SHD: variants seen among roughly 807,000 people sequenced by gnomAD.
The protein encoded by SHD is SH2 domain-containing adapter protein D.
In SHD, 29 loss-of-function variants were observed where a neutral mutation model predicts 31.2. That is an observed-to-expected ratio of 0.93 (90% confidence interval 0.69 to 1.27). The LOEUF (loss-of-function observed/expected upper bound fraction) is 1.27. SHD is among the 50% of genes most tolerant of loss of function. The pLI, the probability that SHD is intolerant of heterozygous loss-of-function variation, is 0.00. For synonymous variants in SHD, 208 were observed against 187.8 expected (o/e 1.11, Z -0.88); for missense variants, 520 against 453.8 (o/e 1.15, Z -1.33).
chr19:4,283,567 T>C (rs1971278714), intron 3 of SHD, among the ~76,000 whole-genome samples: 1 of 151,708 alleles, frequency 6.6e-6, no homozygotes, highest in African/African-American at 2.4e-5. Context: ...TTTTATTTTA[T>C]TTTATTTTAT....
rs566254354 is a variant in SHD, at chr19:4,285,249, G to T, written c.716+345G>T. 1.6e-4 allele frequency among the ~76,000 whole-genome samples: 24 copies of T among 152,296 alleles called. No homozygotes were observed. The South Asian group carries it at 4.8e-3, about 30-fold the overall frequency. On this transcript the variant is annotated intron_variant, in intron 4 of 5. Transcript: ENST00000543264. The stretch of plus-strand genomic sequence containing the variant: ...GGCAATTTCCTTCCTTAACTTGGGT[G>T]GGGCTTACAGCCTCAGAGCCAAGAG...
rs770719505 is a variant in SHD, at chr19:4,284,891, C to A, written c.703C>A (p.Leu235Met). Residue 235 changes from leucine (L) to methionine (M), a missense_variant, in exon 4 of 6, where the codon CTG becomes ATG. By Grantham distance (15) the Leu-to-Met change is conservative. Transcript: ENST00000543264. The part of the protein sequence containing the change: ...PAERVDPALP[L>M]EKQPWFHGPL... ...GGAGCGTGTGGACCCAGCCCTGCCC[C>A]TGGAGAAACAGCCGTGAGTGGGGAA... 1.3e-6 allele frequency: 2 copies of A among 1,599,838 alleles called. No individual in the cohort carries two copies. The highest frequency in any genetic ancestry group is 1.7e-6 in the Non-Finnish European group (2 of 1,171,594).
At chr19:4,289,650 A>C (rs923184414) in intron 5 of SHD, among the ~76,000 whole-genome samples, 21 of 151,332 alleles carry the variant, frequency 1.4e-4, no homozygotes, top group African/African-American at 4.6e-4. Context: ...GGCTCACTGC[A>C]AGCTCCGCCT....
rs547469179 is a variant in SHD, at chr19:4,285,762, C to T, written c.716+858C>T. ...ACAGAGTTTCAGTATGTTGGCCAGG[C>T]TGGTCTGGAACTCCTGACCTCATGA... On this transcript the variant is annotated intron_variant, in intron 4 of 5. Transcript: ENST00000543264. Among the ~76,000 whole-genome samples the T allele has an allele frequency of 6.6e-5, 10 of 152,034 alleles. No homozygotes were observed. The South Asian group carries it at 2.1e-3, about 32-fold the overall frequency.
In SHD at chr19:4,288,363, G is replaced by A. The variant is rs773015064; in HGVS notation, c.836+1G>A. Reference sequence around the variant, plus strand: ...CCCAGGACTGCTCCTTGTCTCTCAGGTGAGAACTCAGCCTCACAGGGACGA... The same window carrying A: ...CCCAGGACTGCTCCTTGTCTCTCAGATGAGAACTCAGCCTCACAGGGACGA... On this transcript the variant is annotated splice_donor_variant, in intron 5 of 5. Transcript: ENST00000543264. LOFTEE classifies it high-confidence loss of function. The A allele has an allele frequency of 1.2e-5, 20 of 1,612,208 alleles. No individual in the cohort carries two copies. Among genetic ancestry groups the A allele is most frequent in the Non-Finnish European group, 1.6e-5 (19 of 1,179,128 alleles).
intron 4 of SHD, among the ~76,000 whole-genome samples, chr19:4,286,512 G>A (rs1971320667): frequency 6.6e-6 from 1 of 151,912 alleles, no homozygotes; most frequent in Non-Finnish European, 1.5e-5. Context: ...TCTCTTTTCA[G>A]ATTTCTTTCA....
At chr19:4,289,077 T>C (rs1971348959) in intron 5 of SHD, among the ~76,000 whole-genome samples, 1 of 151,112 alleles carries the variant, frequency 6.6e-6, no homozygotes. Flanking sequence ...CGGAAGACTT[T>C]CGGCGCATAC....
At chr19:4,282,355 G>A (rs904045659) in intron 1 of SHD, among the ~76,000 whole-genome samples, 2 of 151,246 alleles carry the variant, frequency 1.3e-5, no homozygotes, top group African/African-American at 4.9e-5. Flanking sequence ...GGGAGTCGGA[G>A]GTTGCAGTGA....
Position 4,280,311 on chromosome 19 carries a change from C to T in SHD, c.248C>T (p.Ala83Val). 1 of 1,604,756 alleles carries T rather than the reference C, an allele frequency of 6.2e-7. No homozygotes were observed. The highest frequency in any genetic ancestry group is 8.5e-7 in the Non-Finnish European group (1 of 1,175,842). The change falls in exon 1 of 6, where the codon GCT becomes GTT. Residue 83 changes from alanine (A) to valine (V), a missense_variant. Physicochemically the swap from Ala to Val is moderately conservative, Grantham distance 64 (BLOSUM62 0). Coordinates refer to ENST00000543264, the MANE Select transcript of SHD (RefSeq NM_020209.4). ...AAGCACCGGCTCATCAAGGTGGAGG[C>T]TGCGGATATGGCCAGAGCCAAGGCC... ...SPKHRLIKVE[A>V]ADMARAKALL...
intron 3 of SHD, 141 bp from the exon 4 acceptor site, chr19:4,284,640 T>C: frequency 3.8e-6 from 4 of 1,058,142 alleles, no homozygotes; most frequent in Non-Finnish European, 5.1e-6. Flanking sequence ...ATCCTGCCCC[T>C]GCCTTAAGCC....
In SHD at chr19:4,280,351, C is replaced by A; in HGVS notation, c.288C>A (p.Pro96=). Residue 96 remains proline (P), a synonymous_variant, in exon 1 of 6, where the codon CCC becomes CCA. Coordinates refer to ENST00000543264, the MANE Select transcript of SHD (RefSeq NM_020209.4). The stretch of plus-strand genomic sequence containing the variant: ...GAGCCAAGGCCCTTCTGGGCGGCCC[C>A]GGGGAGGAGGTGCGTGGCTGGGTGG... ...MARAKALLGG[P]GEELEADTEY... 6.4e-7 allele frequency: 1 copy of A among 1,568,346 alleles called. No homozygotes were observed. The highest frequency in any genetic ancestry group is 1.4e-5 in the African/African-American group (1 of 73,774).
chr19:4,287,026 TAAAA>T (rs1971326756), intron 4 of SHD, among the ~76,000 whole-genome samples: 1 of 150,648 alleles, frequency 6.6e-6, no homozygotes, highest in Non-Finnish European at 1.5e-5. Flanking sequence ...CCATCTCTAC[TAAAA>T]ATAGAAAAAA....
Position 4,288,302 on chromosome 19 carries a change from A to G in SHD, c.776A>G (p.Glu259Gly). 6.2e-7 allele frequency: 1 copy of G among 1,613,920 alleles called. No homozygotes were observed. The highest frequency in any genetic ancestry group is 8.5e-7 in the Non-Finnish European group (1 of 1,179,922). ...GAGAGCCTCCTGTCCCTCTGCAAGG[A>G]AGGCAGCTACCTAGTGCGGCTCAGT... ...DAESLLSLCKEGSYLVRLSET... is the reference protein window; with the variant it reads ...DAESLLSLCKGGSYLVRLSET... The change falls in exon 5 of 6, where the codon GAA (glutamate) becomes GGA (glycine). Residue 259 changes from glutamate (E) to glycine (G), a missense_variant. Coordinates refer to ENST00000543264, the MANE Select transcript of SHD (RefSeq NM_020209.4).
At chr19:4,290,060 G>T (rs919122501) in intron 5 of SHD, among the ~76,000 whole-genome samples, 3 of 150,974 alleles carry the variant, frequency 2.0e-5, no homozygotes, top group Non-Finnish European at 2.9e-5. Context: ...ATTTTTAGTG[G>T]AGATGGGGTT....
Position 4,284,845 on chromosome 19 carries a change from G to A in SHD, c.657G>A (p.Pro219=), listed in dbSNP as rs576733109. 9 of 1,612,834 alleles carry A rather than the reference G, an allele frequency of 5.6e-6. No homozygotes were observed. The highest frequency in any genetic ancestry group is 3.3e-5 in the Admixed American group (2 of 59,952). The part of the protein sequence containing the change: ...PGSAKELRRP[P]PRSPQPAERV... ...CAGCCAAGGAGCTCCGGAGACCTCC[G>A]CCCAGAAGCCCCCAGCCTGCGGAGC... The change falls in exon 4 of 6, where the codon CCG becomes CCA. Residue 219 remains proline (P), a synonymous_variant. Coordinates refer to ENST00000543264, the MANE Select transcript of SHD (RefSeq NM_020209.4).
chr19:4,279,798 C>CT lies in SHD; in HGVS notation c.-266_-265insT, dbSNP rs1479860919. 2 of 504,534 alleles carry CT rather than the reference C, an allele frequency of 4.0e-6. No homozygotes were observed. 31.3% of individuals were successfully genotyped at this position (504,534 alleles called of 1,614,324 possible). A position where few individuals can be genotyped will look rare whatever the true frequency, so the allele number is the denominator to read the frequency against. The stretch of plus-strand genomic sequence containing the variant: ...GCGGGGTTCGGGGCCCTGCGAGGTC[C>CT]CCCCTTCCCCCGCGGTGCTTCCCAA... On this transcript the variant is annotated 5_prime_UTR_variant, in exon 1 of 6. An upstream open reading frame in the 5' UTR loses its in-frame stop. Coordinates refer to ENST00000543264, the MANE Select transcript of SHD (RefSeq NM_020209.4). The surrounding 1 kb of genome is among the most constrained non-coding windows in gnomAD (Gnocchi z 7.5).
rs534013613 is a variant in SHD at position 4,284,174 on chromosome 19, T to C, written c.593-607T>C. On this transcript the variant is annotated intron_variant, in intron 3 of 5. Coordinates refer to ENST00000543264, the MANE Select transcript of SHD (RefSeq NM_020209.4). ...AAAATTAGTCGGGCGTGGTGGTGCA[T>C]GCCGGTAATCCCAGCTACTCAGGAG... Among the ~76,000 whole-genome samples, 365 of 151,922 alleles carry C rather than the reference T, an allele frequency of 2.4e-3. 3 individuals are homozygous for C. Among genetic ancestry groups the C allele is most frequent in the Non-Finnish European group, 4.4e-3 (299 of 67,964 alleles).
In SHD at chr19:4,284,905, G is replaced by A. The variant is rs1971293899; in HGVS notation, c.716+1G>A. On this transcript the variant is annotated splice_donor_variant, in intron 4 of 5. Transcript: ENST00000543264. LOFTEE classifies it high-confidence loss of function. ...CAGCCCTGCCCCTGGAGAAACAGCCGTGAGTGGGGAAGCTGAAGGTGGAAG... is the reference window on the plus strand; with the variant it reads ...CAGCCCTGCCCCTGGAGAAACAGCCATGAGTGGGGAAGCTGAAGGTGGAAG... 3 of 1,589,092 alleles carry A rather than the reference G, an allele frequency of 1.9e-6. No individual in the cohort carries two copies. Among genetic ancestry groups the A allele is most frequent in the Non-Finnish European group, 8.6e-7 (1 of 1,165,266 alleles).
chr19:4,280,251 C>T lies in SHD; in HGVS notation c.188C>T (p.Ser63Phe). ...LEPDPAGPGD[S>F]KNPGDAKYGS... is the part of the protein sequence containing the mutation. ...CCGGACCCCGCGGGCCCTGGGGACT[C>T]CAAGAACCCCGGAGATGCCAAGTAT... The change falls in exon 1 of 6, where the codon TCC becomes TTC. Residue 63 changes from serine (S) to phenylalanine (F), a missense_variant. Transcript: ENST00000543264. The T allele has an allele frequency of 6.2e-7, 1 of 1,613,700 alleles. No individual in the cohort carries two copies. Among genetic ancestry groups the T allele is most frequent in the Non-Finnish European group, 8.5e-7 (1 of 1,179,944 alleles).
Sources: allele counts gnomAD v4.1 joint callset (sites outside exome capture counted in the v4.1 genomes callset), GRCh38; gene constraint gnomAD v4.1.1; non-coding constraint Gnocchi (gnomAD v3.1); transcripts MANE v1.5; gene names NCBI Gene and HGNC (gene_info 2026-07-23, HGNC 2026-07-21).